MROH7: variants seen among roughly 807,000 people sequenced by gnomAD.
MROH7 encodes the protein maestro heat like repeat family member 7, also known as maestro heat-like repeat-containing protein family member 7.
Under a neutral mutation model 129.2 loss-of-function variants are expected in MROH7, and 113 were observed. The ratio of observed to expected loss-of-function variants is 0.87; its 90% CI spans 0.75 to 1.02. MROH7 has a LOEUF of 1.02. Among genes scored for constraint, MROH7 ranks in the 50% least tolerant of loss-of-function variants. The pLI is 0.00. For missense variants in MROH7, 1,601 were observed against 1,671.3 expected (o/e 0.96, Z 0.73); for synonymous variants, 655 against 667.9 (o/e 0.98, Z 0.30).
chr1:54,673,703 C>T lies in MROH7; in HGVS notation c.1698C>T (p.Ala566=), dbSNP rs771351762. Residue 566 remains alanine (A), a splice_region_variant and synonymous_variant, in exon 9 of 24, where the codon GCC becomes GCT. Coordinates refer to ENST00000421030, the MANE Select transcript of MROH7 (RefSeq NM_001039464.4). ...TPAGLKSILE[A]LGPWMNSGKA... ...GAGTCTTGCTTTTGATCCCACAGGC[C>T]CTGGGGCCTTGGATGAACTCTGGGA... is the stretch of plus-strand genomic sequence containing the variant. The T allele has an allele frequency of 1.2e-6, 2 of 1,612,996 alleles. No homozygotes were observed. The highest frequency in any genetic ancestry group is 2.2e-5 in the East Asian group (1 of 44,882).
intron 23 of MROH7, among the ~76,000 whole-genome samples, chr1:54,709,509 CG>C (rs1645590105): frequency 1.3e-5 from 2 of 152,256 alleles, no homozygotes; most frequent in South Asian, 4.1e-4. Flanking sequence ...TGAGCCACTG[CG>C]CCTGGCCAAT....
At chr1:54,682,177 T>G (rs1405529922) in intron 13 of MROH7, among the ~76,000 whole-genome samples, 1 of 124,542 alleles carries the variant, frequency 8.0e-6, no homozygotes, top group Non-Finnish European at 1.7e-5. Flanking sequence ...TTTTTTTTTT[T>G]GAAGATGGAG....
chr1:54,645,730 G>A (rs541717892), intron 1 of MROH7, among the ~76,000 whole-genome samples: 14 of 138,772 alleles, frequency 1.0e-4, no homozygotes, highest in East Asian at 2.1e-4. Context: ...TTGGCTCACC[G>A]CAGGCTTGCC....
At chr1:54,698,797 C>CTTTTTTTTTTTTTTTTTTTTTTT (rs202069655) in intron 17 of MROH7, 1 of 141,838 alleles carries the variant, frequency 7.1e-6, no homozygotes, top group East Asian at 2.9e-4. Context: ...AAGTTTCTTT[C>CTTTTTTTTTTTTTTTTTTTTTTT]TTTTTTTTTT....
intron 15 of MROH7, among the ~76,000 whole-genome samples, chr1:54,691,617 C>A (rs1184210703): frequency 6.6e-6 from 1 of 151,866 alleles, no homozygotes; most frequent in Non-Finnish European, 1.5e-5. Context: ...ACCAGCCTGG[C>A]CAACATGGAG....
rs75529143 is a variant in MROH7 at position 54,695,370 on chromosome 1, C to T, written c.2850-6C>T. ...TGAGGGGACTACTCCCCCTTCCCAC[C>T]CCCAGGGCCATGGTGCAGTACTCCT... is the stretch of plus-strand genomic sequence containing the variant. On this transcript the variant is annotated splice_region_variant and splice_polypyrimidine_tract_variant and intron_variant, in intron 16 of 23. Coordinates refer to ENST00000421030, the MANE Select transcript of MROH7 (RefSeq NM_001039464.4). The T allele has an allele frequency of 1.0e-2, 15,914 of 1,593,938 alleles. 1,188 individuals are homozygous for T. In the East Asian group the frequency reaches 0.2, roughly 20 times the overall value.
intron 23 of MROH7, 108 bp from the exon 24 acceptor site, chr1:54,709,838 C>G: frequency 7.5e-7 from 1 of 1,340,848 alleles, no homozygotes; most frequent in East Asian, 2.3e-5. Context: ...GAGGGGATGC[C>G]AAGCAGAGGG....
intron 10 of MROH7, among the ~76,000 whole-genome samples, chr1:54,676,285 TG>T (rs1428233296): frequency 3.9e-5 from 6 of 152,240 alleles, no homozygotes; most frequent in African/African-American, 1.2e-4. Flanking sequence ...TCATCCAGGC[TG>T]GAGTGCAGTG....
chr1:54,653,073 G>A lies in MROH7; in HGVS notation c.147G>A (p.Leu49=). 1.2e-6 allele frequency: 2 copies of A among 1,614,122 alleles called. No individual in the cohort carries two copies. Among genetic ancestry groups the A allele is most frequent in the Non-Finnish European group, 1.7e-6 (2 of 1,180,018 alleles). ...TGGCTCAGGTGCCTATGTTGAATCTGCTCCCAAGTCCTGGCTTGGCTCTCG... is the reference window on the plus strand; with the variant it reads ...TGGCTCAGGTGCCTATGTTGAATCTACTCCCAAGTCCTGGCTTGGCTCTCG... ...PDMAQVPMLN[L]LPSPGLALVP... is the part of the protein sequence containing the mutation. Residue 49 remains leucine (L), a synonymous_variant, in exon 3 of 24, where the codon CTG becomes CTA. Transcript: ENST00000421030.
intron 3 of MROH7, among the ~76,000 whole-genome samples, chr1:54,659,673 G>A (rs998452380): frequency 6.6e-6 from 1 of 152,126 alleles, no homozygotes; most frequent in Non-Finnish European, 1.5e-5. Context: ...GGCTGGTCTT[G>A]AACTCCCAGC....
intron 3 of MROH7, among the ~76,000 whole-genome samples, chr1:54,663,528 A>G (rs1006694105): frequency 6.6e-6 from 1 of 151,926 alleles, no homozygotes; most frequent in Admixed American, 6.6e-5. Flanking sequence ...GTGCACCACC[A>G]TTGCCCAGCT....
chr1:54,676,069 TG>T (rs1644976120), intron 10 of MROH7, among the ~76,000 whole-genome samples: 1 of 152,092 alleles, frequency 6.6e-6, no homozygotes, highest in African/African-American at 2.4e-5. Flanking sequence ...AGGTAAACAA[TG>T]GGTAATTTTT....
chr1:54,658,545 T>G (rs1644682732), intron 3 of MROH7, among the ~76,000 whole-genome samples: 1 of 152,190 alleles, frequency 6.6e-6, no homozygotes, highest in Admixed American at 6.5e-5. Flanking sequence ...TTTTAAAAAC[T>G]TTTTTGGGGT....
chr1:54,684,404 G>T (rs1645115338), intron 14 of MROH7, among the ~76,000 whole-genome samples: 1 of 152,172 alleles, frequency 6.6e-6, no homozygotes, highest in African/African-American at 2.4e-5. Flanking sequence ...CTGTGCCTAA[G>T]GCACCAGCAC....
At chr1:54,662,540 G>GA (rs751697203) in intron 3 of MROH7, among the ~76,000 whole-genome samples, 7,102 of 140,892 alleles carry the variant, frequency 0.05, 422 homozygotes, top group African/African-American at 0.14. Context: ...CCATTTCAAA[G>GA]AAAAAAAAAA....
intron 5 of MROH7, 71 bp from the exon 6 acceptor site, chr1:54,670,426 G>A (rs1644878802): frequency 5.9e-6 from 8 of 1,358,866 alleles, no homozygotes; most frequent in East Asian, 2.4e-5. Context: ...TCCTTGTGAC[G>A]GGGGCAGCCT....
At chr1:54,701,747 T>G (rs1177037663) in intron 19 of MROH7, among the ~76,000 whole-genome samples, 2 of 152,100 alleles carry the variant, frequency 1.3e-5, no homozygotes, top group African/African-American at 2.4e-5. Context: ...TTTGCATTTT[T>G]TGTAGAGATG....
At chr1:54,659,252 G>A (rs764695538) in intron 3 of MROH7, 28 of 178,530 alleles carry the variant, frequency 1.6e-4, no homozygotes, top group Admixed American at 6.7e-4. Flanking sequence ...GCACCACCAC[G>A]CTTAGCTAAT....
rs139967995 is a variant in MROH7 at position 54,659,617 on chromosome 1, C to G, written c.1231+5460C>G. Among the ~76,000 whole-genome samples, 1,437 of 152,306 alleles carry G rather than the reference C, an allele frequency of 9.4e-3. 20 individuals are homozygous for G. The highest frequency in any genetic ancestry group is 0.014 in the Non-Finnish European group (936 of 68,030). The stretch of plus-strand genomic sequence containing the variant: ...TACAGGCGCTAGCCACCATGCCTGG[C>G]TAATTTTGTATTTTTAGTAGAGACA... On this transcript the variant is annotated intron_variant, in intron 3 of 23. Transcript: ENST00000421030.
Sources: gnomAD v4.1 joint callset for allele counts (sites outside exome capture counted in the v4.1 genomes callset) on GRCh38, gnomAD v4.1.1 for gene constraint, MANE v1.5 for transcripts, NCBI Gene and HGNC (gene_info 2026-07-23, HGNC 2026-07-21) for gene names.